Variants in ERICH1 observed in about 807,000 individuals in gnomAD.
The protein encoded by ERICH1 is glutamate-rich protein 1.
Under a neutral mutation model 39.6 loss-of-function variants are expected in ERICH1, and 56 were observed. The ratio of observed to expected loss-of-function variants is 1.41; its 90% CI spans 1.14 to 1.77. ERICH1 has a LOEUF of 1.77. ERICH1 is among the 40% of genes most tolerant of loss of function. The pLI, the probability that ERICH1 is intolerant of heterozygous loss-of-function variation, is 0.00. For synonymous variants in ERICH1, 313 were observed against 223.6 expected, an observed-to-expected ratio of 1.40 and a Z score of -3.57; for missense variants, 826 against 575.4, an observed-to-expected ratio of 1.44 and a Z score of -4.45.
intron 3 of ERICH1, among the ~76,000 whole-genome samples, chr8:684,254 G>A (rs1403004138): frequency 6.6e-6 from 1 of 152,132 alleles, no homozygotes; most frequent in Non-Finnish European, 1.5e-5. Context: ...GTTAAAATTA[G>A]ATGCAGGACA....
At chr8:656,661 G>T in intron 3 of ERICH1, 1 of 838,972 alleles carries the variant, frequency 1.2e-6, no homozygotes, top group Non-Finnish European at 1.4e-6. Flanking sequence ...GGAATTTTGG[G>T]GCTTACTTGC....
intron 3 of ERICH1, among the ~76,000 whole-genome samples, chr8:651,197 A>G (rs1174545762): frequency 6.6e-6 from 1 of 152,228 alleles, no homozygotes; most frequent in Admixed American, 6.5e-5. Flanking sequence ...TTCAGTTCAC[A>G]TCTGGTTCAG....
In ERICH1 at chr8:692,559, G is replaced by A; in HGVS notation, c.223C>T (p.Pro75Ser). Residue 75 changes from proline to serine, a missense_variant, in exon 3 of 6, where the codon CCT becomes TCT. By Grantham distance (74) the Pro-to-Ser change is moderately conservative. Coordinates refer to ENST00000262109, the MANE Select transcript of ERICH1 (RefSeq NM_207332.3). ...GGCCAACAGGGGACGTAGCCCTCAG[G>A]AGGCCCGCTGGCAGTGTAGAGCCGT... is the stretch of plus-strand genomic sequence containing the variant. ...ARRLYTASGP[P>S]EGYVPCWPEP... is the part of the protein sequence containing the mutation. 6.2e-7 allele frequency: 1 copy of A among 1,613,600 alleles called. No individual in the cohort carries two copies. The highest frequency in any genetic ancestry group is 8.5e-7 in the Non-Finnish European group (1 of 1,179,810).
At chr8:626,722 TCGCGATGC>T in intron 3 of ERICH1, 1 of 178,000 alleles carries the variant, frequency 5.6e-6, no homozygotes. Context: ...CTGTCTCTCA[TCGCGATGC>T]CATCCTCATC....
intron 3 of ERICH1, among the ~76,000 whole-genome samples, chr8:676,655 C>A (rs1804893543): frequency 6.6e-6 from 1 of 152,210 alleles, no homozygotes; most frequent in Admixed American, 6.5e-5. Context: ...ATGGCGCACA[C>A]GCCCCGCCCC....
intron 2 of ERICH1, among the ~76,000 whole-genome samples, chr8:703,738 A>T (rs551351832): frequency 1.3e-5 from 2 of 152,348 alleles, no homozygotes; most frequent in East Asian, 3.9e-4. Context: ...AATCTCCCAG[A>T]AAGTGGTCTC....
chr8:691,698 T>C (rs1808950572), intron 3 of ERICH1, among the ~76,000 whole-genome samples: 1 of 152,254 alleles, frequency 6.6e-6, no homozygotes, highest in Non-Finnish European at 1.5e-5. Context: ...TTTGTTTTTA[T>C]GGTTTCTGAT....
At chr8:651,893 C>T (rs1459571966) in intron 3 of ERICH1, among the ~76,000 whole-genome samples, 4 of 152,150 alleles carry the variant, frequency 2.6e-5, no homozygotes, top group Admixed American at 6.5e-5. Flanking sequence ...TGTTTCATTT[C>T]CTCTTGATGA....
chr8:712,527 TC>T (rs1160093660), intron 2 of ERICH1, among the ~76,000 whole-genome samples: 1 of 152,178 alleles, frequency 6.6e-6, no homozygotes, highest in Non-Finnish European at 1.5e-5. Context: ...CCTCCAGGGT[TC>T]AAGTGATTCT....
intron 3 of ERICH1, among the ~76,000 whole-genome samples, chr8:622,904 G>A (rs1797371480): frequency 6.6e-6 from 1 of 151,916 alleles, no homozygotes; most frequent in South Asian, 2.1e-4. Flanking sequence ...GCTGCAGTGA[G>A]CCATGATTGT....
At chr8:616,194 G>T in intron 3 of ERICH1, 1 of 209,462 alleles carries the variant, frequency 4.8e-6, no homozygotes, top group East Asian at 1.4e-4. Flanking sequence ...AAGAAATTCC[G>T]TAACCTGAAA....
chr8:676,907 T>G (rs1585218500), intron 3 of ERICH1, among the ~76,000 whole-genome samples: 2 of 152,218 alleles, frequency 1.3e-5, no homozygotes, highest in African/African-American at 4.8e-5. Context: ...GTGAGTGAAG[T>G]TTGTGAGACA....
chr8:691,131 T>G (rs1808800219), intron 3 of ERICH1: 1 of 151,786 alleles, frequency 6.6e-6, no homozygotes, highest in Non-Finnish European at 1.5e-5. Flanking sequence ...GGAAACACAA[T>G]TAGAGGGTGG....
chr8:634,206 T>C (rs1321174113), intron 3 of ERICH1, among the ~76,000 whole-genome samples: 1 of 113,998 alleles, frequency 8.8e-6, no homozygotes, highest in Admixed American at 9.1e-5. Flanking sequence ...AAAACCCTGA[T>C]TCAAAAATGG....
chr8:630,275 G>GA (rs1563167612), intron 3 of ERICH1, among the ~76,000 whole-genome samples: 541 of 53,864 alleles, frequency 0.01, 6 homozygotes, highest in South Asian at 0.017. Flanking sequence ...CCACCCACAG[G>GA]CAGAGGTGAC....
chr8:724,883 C>G (rs966793151), intron 1 of ERICH1, among the ~76,000 whole-genome samples: 5 of 152,180 alleles, frequency 3.3e-5, no homozygotes, highest in African/African-American at 9.6e-5. Flanking sequence ...ACCTCCTGCA[C>G]CCACGCCGCC....
At chr8:621,073 G>A (rs1053261184) in intron 3 of ERICH1, among the ~76,000 whole-genome samples, 5 of 152,108 alleles carry the variant, frequency 3.3e-5, no homozygotes, top group African/African-American at 1.2e-4. Flanking sequence ...AAAGTATATT[G>A]TCTGAGCACA....
At chr8:683,353 A>G (rs538582554) in intron 3 of ERICH1, among the ~76,000 whole-genome samples, 2 of 152,332 alleles carry the variant, frequency 1.3e-5, no homozygotes, top group South Asian at 4.1e-4. Context: ...CTCCTGGGAC[A>G]GAGACTTCTC....
intron 3 of ERICH1, among the ~76,000 whole-genome samples, chr8:630,391 G>A (rs1176873741): frequency 7.3e-6 from 1 of 136,104 alleles, no homozygotes; most frequent in African/African-American, 2.8e-5. Context: ...CACCCACACA[G>A]ACAGAGCTGA....
Sources: gnomAD v4.1 joint callset for allele counts (sites outside exome capture counted in the v4.1 genomes callset) on GRCh38, gnomAD v4.1.1 for gene constraint, MANE v1.5 for transcripts, NCBI Gene and HGNC (gene_info 2026-07-23, HGNC 2026-07-21) for gene names.